The following NGEF variants were observed in gnomAD, a reference collection of about 807,000 sequenced individuals.
The protein encoded by NGEF is ephexin-1.
In NGEF, 31 loss-of-function variants were observed where a neutral mutation model predicts 80.9. The observed-to-expected ratio is 0.38, with a 90% CI of 0.29 to 0.52. The LOEUF (loss-of-function observed/expected upper bound fraction) is 0.52. Among genes scored for constraint, NGEF ranks in the 20% least tolerant of loss-of-function variants. NGEF has a pLI of 0.84. For missense variants in NGEF, 709 were observed against 926.2 expected (o/e 0.77, Z 3.04); for synonymous variants, 371 against 370.2 (o/e 1.00, Z -0.03).
chr2:233,001,518 T>TG (rs747505569), intron 1 of NGEF, among the ~76,000 whole-genome samples: 16 of 150,970 alleles, frequency 1.1e-4, no homozygotes, highest in Middle Eastern at 6.8e-3. Context: ...GGGGCCTTGG[T>TG]GGGGGGCAGA....
chr2:232,971,967 T>C (rs554360973), intron 2 of NGEF, among the ~76,000 whole-genome samples: 15 of 152,338 alleles, frequency 9.8e-5, no homozygotes, highest in African/African-American at 3.6e-4. Context: ...TACAGTGCCC[T>C]ACCCCTGCCC....
At chr2:232,960,300 A>G (rs1305021658) in intron 3 of NGEF, among the ~76,000 whole-genome samples, 1 of 152,230 alleles carries the variant, frequency 6.6e-6, no homozygotes, top group Non-Finnish European at 1.5e-5. Flanking sequence ...TGGGACTAGA[A>G]CCCTGATTCA....
In NGEF at chr2:232,892,849, GC is replaced by G; in HGVS notation, c.1142+48del. 1.9e-6 allele frequency: 3 copies of G among 1,589,638 alleles called. No individual in the cohort carries two copies. The highest frequency in any genetic ancestry group is 2.6e-6 in the Non-Finnish European group (3 of 1,163,210). On this transcript the variant is annotated intron_variant, in intron 7 of 14. Transcript: ENST00000264051. This position sits in a 1 kb window ranked among gnomAD's most constrained non-coding sequence, Gnocchi z 4.0. ...AGCCTGGGCCAGCACTGGTATGGCT[GC>G]CCCGGGCACCTCCCCCTGCCCCTGA...
intron 1 of NGEF, among the ~76,000 whole-genome samples, chr2:233,004,234 C>T (rs1308474381): frequency 6.6e-6 from 1 of 152,160 alleles, no homozygotes; most frequent in Non-Finnish European, 1.5e-5. Flanking sequence ...GCCCTGCAGG[C>T]ACCTGTCCGG....
Position 233,007,033 on chromosome 2 carries a change from C to T in NGEF, c.-75+6035G>A, listed in dbSNP as rs572667830. 3.3e-5 allele frequency among the ~76,000 whole-genome samples: 5 copies of T among 152,244 alleles called. No individual in the cohort carries two copies. In the South Asian group the frequency reaches 1.0e-3, roughly 32 times the overall value. ...CTGAGGCGGGCTGATCACTTGAGTC[C>T]AGGAGTTCGAGACCAGCCTGGTCAA... On this transcript the variant is annotated intron_variant, in intron 1 of 14. Transcript: ENST00000264051.
chr2:232,945,610 G>A (rs62191833), intron 3 of NGEF, among the ~76,000 whole-genome samples: 45,037 of 151,974 alleles, frequency 0.3, 7,490 homozygotes, highest in Middle Eastern at 0.42. Context: ...AGAGAGAGGC[G>A]GGGAGCAGCT....
intron 3 of NGEF, among the ~76,000 whole-genome samples, chr2:232,956,613 G>A (rs1407199161): frequency 1.3e-5 from 2 of 151,576 alleles, no homozygotes; most frequent in Non-Finnish European, 2.9e-5. Flanking sequence ...CTAAAAATAC[G>A]AAAAGTAGCT....
chr2:232,911,097 T>C (rs1458511275), intron 5 of NGEF, among the ~76,000 whole-genome samples: 7 of 152,252 alleles, frequency 4.6e-5, no homozygotes, highest in African/African-American at 1.7e-4. Context: ...GGTTTTCTCC[T>C]ATGTTTTCCT....
chr2:232,998,734 G>A (rs1559242711), intron 1 of NGEF, among the ~76,000 whole-genome samples: 1 of 152,122 alleles, frequency 6.6e-6, no homozygotes, highest in Non-Finnish European at 1.5e-5. Flanking sequence ...AGCCCTGTAG[G>A]TGCCAGGCCA....
At chr2:232,903,592 T>TA (rs1375303660) in intron 5 of NGEF, among the ~76,000 whole-genome samples, 5 of 152,076 alleles carry the variant, frequency 3.3e-5, no homozygotes, top group Non-Finnish European at 7.4e-5. Context: ...AAGATAAATT[T>TA]AAAAAAATGC....
rs560873660 is a variant in NGEF, at chr2:232,975,938, G to A, written c.-74-974C>T. 4.6e-5 allele frequency among the ~76,000 whole-genome samples: 7 copies of A among 152,210 alleles called. No individual in the cohort carries two copies. The East Asian group carries it at 1.4e-3, about 29-fold the overall frequency. ...ATGGTCAGAGACTTGGCCAGGCACCGGCCTATAATCCTAGCACTTTGGGAG... is the reference window on the plus strand; with the variant it reads ...ATGGTCAGAGACTTGGCCAGGCACCAGCCTATAATCCTAGCACTTTGGGAG... On this transcript the variant is annotated intron_variant, in intron 1 of 14. Transcript: ENST00000264051.
intron 3 of NGEF, among the ~76,000 whole-genome samples, chr2:232,959,603 G>A (rs997992107): frequency 1.4e-5 from 2 of 142,060 alleles, no homozygotes; most frequent in African/African-American, 5.1e-5. Flanking sequence ...TTTTAAGACA[G>A]AGCTTCACTC....
chr2:232,976,281 T>C (rs938570), intron 1 of NGEF, among the ~76,000 whole-genome samples: 89,901 of 151,882 alleles, frequency 0.59, 27,773 homozygotes, highest in African/African-American at 0.73. Context: ...TCATCAGGAG[T>C]GTTTGTCTGT....
At chr2:232,882,402 C>A in intron 12 of NGEF, 137 bp from the exon 13 acceptor site, 1 of 770,704 alleles carries the variant, frequency 1.3e-6, no homozygotes, top group Non-Finnish European at 2.1e-6. Flanking sequence ...ACCCCAGGGA[C>A]AGCTCGGGGG....
At chr2:232,896,551 GGGTGGGGTAGGGGTGAGGGTGAA>G (rs1692070368) in intron 5 of NGEF, among the ~76,000 whole-genome samples, 1 of 137,462 alleles carries the variant, frequency 7.3e-6, no homozygotes, top group Non-Finnish European at 1.6e-5. Flanking sequence ...GTAGGGGTGA[GGGTGGGGTAGGGGTGAGGGTGAA>G]GGTAGGGGTG....
chr2:232,884,707 C>T (rs1210015399), intron 10 of NGEF, among the ~76,000 whole-genome samples: 1 of 152,204 alleles, frequency 6.6e-6, no homozygotes, highest in African/African-American at 2.4e-5. Flanking sequence ...AGCCATCGGT[C>T]AGCACCGTGT....
intron 5 of NGEF, among the ~76,000 whole-genome samples, chr2:232,899,796 TCA>T (rs57484693): frequency 3.0e-4 from 36 of 119,756 alleles, no homozygotes; most frequent in South Asian, 1.5e-3. Flanking sequence ...TCACATTCAC[TCA>T]CACACACGCT....
At chr2:232,938,616 G>C (rs979976478) in intron 3 of NGEF, among the ~76,000 whole-genome samples, 3 of 151,982 alleles carry the variant, frequency 2.0e-5, no homozygotes, top group African/African-American at 7.3e-5. Context: ...ACTATAGGCC[G>C]GGTGTGGTGG....
intron 1 of NGEF, among the ~76,000 whole-genome samples, chr2:232,995,646 G>GTATGCATAC (rs1694823382): frequency 3.0e-5 from 1 of 33,392 alleles, no homozygotes; most frequent in African/African-American, 1.9e-4. Flanking sequence ...ATGTATTATA[G>GTATGCATAC]TGTATATATG....
Sources: allele counts gnomAD v4.1 joint callset (sites outside exome capture counted in the v4.1 genomes callset), GRCh38; gene constraint gnomAD v4.1.1; non-coding constraint Gnocchi (gnomAD v3.1); transcripts MANE v1.5; gene names NCBI Gene and HGNC (gene_info 2026-07-23, HGNC 2026-07-21).